The following PARD3B variants were observed in gnomAD, a reference collection of about 807,000 sequenced individuals.
PARD3B encodes the protein par-3 family cell polarity regulator beta.
PARD3B carries 103 observed loss-of-function variants against 130.2 expected under a neutral mutation model. That is an observed-to-expected ratio of 0.79 (90% CI 0.67 to 0.93). PARD3B has a LOEUF of 0.93. Ranked by LOEUF, PARD3B falls within the 40% of genes least tolerant of loss-of-function variation. The probability of loss-of-function intolerance (pLI) is 0.00; values close to 1 mark genes in which losing one functional copy is unlikely to be tolerated. For missense variants in PARD3B, 1,609 were observed against 1,499.2 expected (o/e 1.07, Z -1.21); for synonymous variants, 583 against 553.2 (o/e 1.05, Z -0.76).
intron 2 of PARD3B, among the ~76,000 whole-genome samples, chr2:204,925,751 C>G (rs1040084232): frequency 9.9e-5 from 15 of 152,204 alleles, no homozygotes; most frequent in African/African-American, 3.6e-4. Flanking sequence ...TGGTTTGGCT[C>G]TGTGTCCCCA....
At chr2:205,541,020 TTAAAA>T (rs748007849) in intron 21 of PARD3B, among the ~76,000 whole-genome samples, 49 of 152,216 alleles carry the variant, frequency 3.2e-4, no homozygotes, top group East Asian at 3.8e-4. Flanking sequence ...AAATGTTGAC[TTAAAA>T]TAATCATATT....
intron 2 of PARD3B, among the ~76,000 whole-genome samples, chr2:204,843,661 C>T (rs907277428): frequency 3.3e-5 from 5 of 152,120 alleles, no homozygotes; most frequent in African/African-American, 9.7e-5. Flanking sequence ...AGATGTGAGC[C>T]ACCGCGCCCA....
chr2:205,180,004 A>C (rs2035698552), intron 13 of PARD3B, among the ~76,000 whole-genome samples: 1 of 151,904 alleles, frequency 6.6e-6, no homozygotes, highest in Admixed American at 6.6e-5. Context: ...CCACTGGGAG[A>C]TTTTGTCTCT....
Position 205,281,560 on chromosome 2 carries a change from C to T in PARD3B, c.2186-18970C>T, listed in dbSNP as rs1265328657. ...CTGCAATTGTAACAAACCAGGAAAT[C>T]CACTTTTTTTCCTAAGTTGGGAAAA... On this transcript the variant is annotated intron_variant, in intron 16 of 22. Transcript: ENST00000406610. The surrounding 1 kb of genome is among the most constrained non-coding windows in gnomAD (Gnocchi z 4.2). Among the ~76,000 whole-genome samples, 1 of 152,174 alleles carries T rather than the reference C, an allele frequency of 6.6e-6. No homozygotes were observed. The highest frequency in any genetic ancestry group is 2.4e-5 in the African/African-American group (1 of 41,426).
intron 2 of PARD3B, among the ~76,000 whole-genome samples, chr2:204,700,278 TG>T (rs1553506394): frequency 2.6e-5 from 4 of 152,110 alleles, no homozygotes; most frequent in Admixed American, 6.6e-5. Flanking sequence ...CTATAGCATC[TG>T]ATAGCCTCAT....
At chr2:204,934,817 A>G (rs1048321510) in intron 2 of PARD3B, among the ~76,000 whole-genome samples, 6 of 152,226 alleles carry the variant, frequency 3.9e-5, no homozygotes, top group Non-Finnish European at 2.9e-5. Flanking sequence ...TAATTTAGGT[A>G]TACTTAGTGG....
chr2:204,716,684 G>A (rs1456102524), intron 2 of PARD3B, among the ~76,000 whole-genome samples: 4 of 148,024 alleles, frequency 2.7e-5, no homozygotes, highest in African/African-American at 7.5e-5. Context: ...GTACAGTGGC[G>A]CGATCTCGGC....
rs1450637541 is a variant in PARD3B at position 204,865,264 on chromosome 2, C to T, written c.223-99888C>T. 3.9e-5 allele frequency among the ~76,000 whole-genome samples: 6 copies of T among 152,216 alleles called. 1 individual carries two copies. In the South Asian group the frequency reaches 8.3e-4, roughly 21 times the overall value. The stretch of plus-strand genomic sequence containing the variant: ...TACCATTTGATCCAGAAATCCCACT[C>T]CTGGGCATCTACCCAGAGGAAAAGA... On this transcript the variant is annotated intron_variant, in intron 2 of 22. Transcript: ENST00000406610.
intron 4 of PARD3B, among the ~76,000 whole-genome samples, chr2:205,092,826 C>G (rs1265158327): frequency 2.0e-5 from 3 of 152,076 alleles, no homozygotes; most frequent in Admixed American, 1.3e-4. Flanking sequence ...ATGTGATTAA[C>G]TCAAGCTTCC....
chr2:204,993,816 A>G (rs562153661), intron 3 of PARD3B, among the ~76,000 whole-genome samples: 15 of 150,660 alleles, frequency 1.0e-4, no homozygotes, highest in Admixed American at 7.9e-4. Flanking sequence ...GGGAGATTGT[A>G]TGTGTCGAGG....
At chr2:205,578,832 C>T (rs2053860497) in intron 22 of PARD3B, among the ~76,000 whole-genome samples, 1 of 152,122 alleles carries the variant, frequency 6.6e-6, no homozygotes, top group Non-Finnish European at 1.5e-5. Flanking sequence ...GAATTTTAAA[C>T]TCATCTTCCC....
intron 10 of PARD3B, among the ~76,000 whole-genome samples, chr2:205,143,081 A>G (rs1450212758): frequency 6.6e-6 from 1 of 152,128 alleles, no homozygotes; most frequent in Non-Finnish European, 1.5e-5. Flanking sequence ...CATATTTTGA[A>G]ATATTGTGCA....
rs949994462 is a variant in PARD3B, at chr2:205,584,714, T to C, written c.3261-30742T>C. Reference sequence around the variant, plus strand: ...AATAAAAATAAATAAATAAATGATATATGTGGCTTGCATTATTTTCTCCTG... The same window carrying C: ...AATAAAAATAAATAAATAAATGATACATGTGGCTTGCATTATTTTCTCCTG... On this transcript the variant is annotated intron_variant, in intron 22 of 22. Transcript: ENST00000406610. The surrounding 1 kb of genome is among the most constrained non-coding windows in gnomAD (Gnocchi z 5.5). Among the ~76,000 whole-genome samples the C allele has an allele frequency of 2.0e-5, 3 of 152,046 alleles. No homozygotes were observed. Among genetic ancestry groups the C allele is most frequent in the African/African-American group, 7.2e-5 (3 of 41,402 alleles).
At chr2:204,581,899 T>G (rs1478917836) in intron 1 of PARD3B, among the ~76,000 whole-genome samples, 1 of 152,210 alleles carries the variant, frequency 6.6e-6, no homozygotes, top group Non-Finnish European at 1.5e-5. Flanking sequence ...CCCAACAATG[T>G]GACCTTGGGT....
At chr2:205,079,670 A>G (rs1701284947) in intron 4 of PARD3B, among the ~76,000 whole-genome samples, 1 of 152,214 alleles carries the variant, frequency 6.6e-6, no homozygotes, top group Non-Finnish European at 1.5e-5. Flanking sequence ...GGGAGATTAT[A>G]GCACCTCCTG....
intron 21 of PARD3B, among the ~76,000 whole-genome samples, chr2:205,542,911 A>T (rs1369821673): frequency 1.3e-5 from 2 of 152,242 alleles, no homozygotes; most frequent in African/African-American, 2.4e-5. Context: ...GGCAGTCTTA[A>T]TAAGGCATAA....
At chr2:204,996,704 C>T (rs895849974) in intron 3 of PARD3B, among the ~76,000 whole-genome samples, 3 of 149,694 alleles carry the variant, frequency 2.0e-5, no homozygotes, top group African/African-American at 7.4e-5. Context: ...GCAGTTTGAT[C>T]TCAGACTGCT....
chr2:205,247,402 T>A (rs1457442527), intron 16 of PARD3B, among the ~76,000 whole-genome samples: 1 of 152,218 alleles, frequency 6.6e-6, no homozygotes, highest in Non-Finnish European at 1.5e-5. Flanking sequence ...TTATGCTAAG[T>A]GCAAAATTTG....
chr2:205,554,765 A>ATAAC (rs2052803981), intron 22 of PARD3B, among the ~76,000 whole-genome samples: 2 of 152,352 alleles, frequency 1.3e-5, no homozygotes, highest in East Asian at 3.9e-4. Context: ...ACAGCACAGT[A>ATAAC]TAACAACTAT....
Sources: allele counts gnomAD v4.1 joint callset (sites outside exome capture counted in the v4.1 genomes callset), GRCh38; gene constraint gnomAD v4.1.1; non-coding constraint Gnocchi (gnomAD v3.1); transcripts MANE v1.5; gene names NCBI Gene and HGNC (gene_info 2026-07-23, HGNC 2026-07-21).